Variants in IPMK observed in about 807,000 individuals in gnomAD.
IPMK encodes inositol 1,3,4,6-tetrakisphosphate 5-kinase.
Under a neutral mutation model 45.8 loss-of-function variants are expected in IPMK, and 17 were observed. The observed-to-expected ratio is 0.37, with a 90% CI of 0.25 to 0.56. The LOEUF (loss-of-function observed/expected upper bound fraction) is 0.56. Ranked by LOEUF, IPMK falls within the 20% of genes least tolerant of loss-of-function variation. The pLI, the probability that IPMK is intolerant of heterozygous loss-of-function variation, is 0.79. For synonymous variants in IPMK, 180 were observed against 184.3 expected, an observed-to-expected ratio of 0.98 and a Z score of 0.19; for missense variants, 399 against 498.0, an observed-to-expected ratio of 0.80 and a Z score of 1.89.
chr10:58,262,394 G>A (rs1311974670), intron 1 of IPMK, among the ~76,000 whole-genome samples: 1 of 152,082 alleles, frequency 6.6e-6, no homozygotes, highest in Non-Finnish European at 1.5e-5. Flanking sequence ...ACAGAAGAAG[G>A]GAAATACAAA....
At chr10:58,223,427 G>C (rs1838367589) in intron 3 of IPMK, among the ~76,000 whole-genome samples, 1 of 152,110 alleles carries the variant, frequency 6.6e-6, no homozygotes, top group South Asian at 2.1e-4. Context: ...CCTTTAAAGG[G>C]AAGGCAACAG....
intron 1 of IPMK, among the ~76,000 whole-genome samples, chr10:58,243,713 C>T (rs1157535251): frequency 2.6e-5 from 4 of 152,304 alleles, no homozygotes; most frequent in East Asian, 3.9e-4. Flanking sequence ...GATCTCGGCT[C>T]GCTACAACCT....
At chr10:58,196,720 C>T (rs202113550) in intron 5 of IPMK, 22 bp from the exon 6 acceptor site, 53 of 1,448,958 alleles carry the variant, frequency 3.7e-5, no homozygotes, top group East Asian at 6.9e-5. Flanking sequence ...AAAATATGAG[C>T]GTTATAATCA....
intron 1 of IPMK, among the ~76,000 whole-genome samples, chr10:58,244,016 C>T (rs933981567): frequency 8.6e-5 from 13 of 151,196 alleles, no homozygotes; most frequent in South Asian, 2.1e-4. Context: ...CGTCTCTGCC[C>T]GGCTGCCCCG....
chr10:58,232,925 C>T (rs1838547361), intron 2 of IPMK, among the ~76,000 whole-genome samples: 1 of 152,002 alleles, frequency 6.6e-6, no homozygotes, highest in East Asian at 1.9e-4. Flanking sequence ...AACTGATAGA[C>T]CACTAGCAAG....
Position 58,266,076 on chromosome 10 carries a change from G to A in IPMK, c.190+1346C>T, listed in dbSNP as rs78695225. Among the ~76,000 whole-genome samples the A allele has an allele frequency of 6.2e-3, 938 of 152,284 alleles. 8 individuals carry two copies. Among genetic ancestry groups the A allele is most frequent in the African/African-American group, 0.021 (882 of 41,552 alleles). ...TCTCATTACAAGACACTGGCACACAGGAGGAAATGTCTATGCTGAGCAACT... is the reference window on the plus strand; with the variant it reads ...TCTCATTACAAGACACTGGCACACAAGAGGAAATGTCTATGCTGAGCAACT... On this transcript the variant is annotated intron_variant, in intron 1 of 5. Transcript: ENST00000373935.
intron 3 of IPMK, among the ~76,000 whole-genome samples, chr10:58,223,302 A>G (rs1410361190): frequency 5.9e-5 from 9 of 152,214 alleles, no homozygotes; most frequent in Admixed American, 4.6e-4. Flanking sequence ...AAATTCCTTT[A>G]GCTAATTTTC....
intron 4 of IPMK, among the ~76,000 whole-genome samples, chr10:58,213,986 G>C (rs567625330): frequency 2.6e-5 from 4 of 152,194 alleles, no homozygotes; most frequent in Non-Finnish European, 5.9e-5. Context: ...TAGAAATAAC[G>C]AGTTTGGTTG....
intron 1 of IPMK, among the ~76,000 whole-genome samples, chr10:58,241,070 C>T (rs868737997): frequency 6.7e-6 from 1 of 149,202 alleles, no homozygotes; most frequent in Admixed American, 6.6e-5. Flanking sequence ...TATTCTCCAA[C>T]ACTGGGAGGG....
At chr10:58,263,916 C>CAGGGAAAGGCTG (rs1323712089) in intron 1 of IPMK, among the ~76,000 whole-genome samples, 2 of 152,078 alleles carry the variant, frequency 1.3e-5, no homozygotes, top group African/African-American at 4.8e-5. Context: ...TCATAAAGGA[C>CAGGGAAAGGCTG]AGGGAAAGGC....
At chr10:58,227,199 A>G in intron 2 of IPMK, 60 bp from the exon 3 acceptor site, 1 of 1,185,976 alleles carries the variant, frequency 8.4e-7, no homozygotes, top group Non-Finnish European at 1.2e-6. Flanking sequence ...TGCCCTGCAC[A>G]TTTCTCAAAT....
intron 4 of IPMK, among the ~76,000 whole-genome samples, chr10:58,209,659 T>G (rs1417244130): frequency 6.6e-6 from 1 of 152,074 alleles, no homozygotes; most frequent in African/African-American, 2.4e-5. Flanking sequence ...GGCAGGGGAG[T>G]GAGGTAGACT....
At chr10:58,258,828 A>G in intron 1 of IPMK, among the ~76,000 whole-genome samples, 1 of 152,316 alleles carries the variant, frequency 6.6e-6, no homozygotes, top group Non-Finnish European at 1.5e-5. Context: ...TTCCAAATAA[A>G]TAGAAAGATA....
At chr10:58,235,775 CGTTGTG>C (rs1838601921) in intron 2 of IPMK, among the ~76,000 whole-genome samples, 1 of 151,638 alleles carries the variant, frequency 6.6e-6, no homozygotes, top group Non-Finnish European at 1.5e-5. Flanking sequence ...CAAACCTGCA[CGTTGTG>C]CACATGTATC....
At chr10:58,211,812 G>A (rs113617681) in intron 4 of IPMK, among the ~76,000 whole-genome samples, 1 of 30,686 alleles carries the variant, frequency 3.3e-5, no homozygotes, top group Non-Finnish European at 6.4e-5. Context: ...ACTCGGAAGA[G>A]GCTGAGGCAG....
At chr10:58,199,408 A>ATCTAC in intron 4 of IPMK, 87 bp from the exon 5 acceptor site, 1 of 747,126 alleles carries the variant, frequency 1.3e-6, no homozygotes. Context: ...TAAAGATGAA[A>ATCTAC]TCTACTCAGG....
Position 58,193,881 on chromosome 10 carries a change from TA to T in IPMK, c.*2194del, listed in dbSNP as rs928644253. On this transcript the variant is annotated 3_prime_UTR_variant, in exon 6 of 6. Coordinates refer to ENST00000373935, the MANE Select transcript of IPMK (RefSeq NM_152230.5). ...TTAGATAAACAGATACTTATTCTGT[TA>T]TACCTAAGCCTACTTATAAAGCAAC... 2.6e-5 allele frequency: 4 copies of T among 151,946 alleles called. No individual in the cohort carries two copies. Among genetic ancestry groups the T allele is most frequent in the African/African-American group, 9.6e-5 (4 of 41,564 alleles). The allele number at this position is 151,946 out of a possible 1,614,324, so 9.4% of individuals were successfully genotyped here.
At chr10:58,266,201 CTA>C (rs1314946736) in intron 1 of IPMK, among the ~76,000 whole-genome samples, 2 of 131,844 alleles carry the variant, frequency 1.5e-5, no homozygotes, top group Admixed American at 7.0e-5. Context: ...GTGCACAAGG[CTA>C]TGAGAGAATA....
chr10:58,262,135 C>T (rs1321744322), intron 1 of IPMK, among the ~76,000 whole-genome samples: 1 of 152,084 alleles, frequency 6.6e-6, no homozygotes, highest in Non-Finnish European at 1.5e-5. Flanking sequence ...AGGAGAAATA[C>T]CTAATGTAAA....
Sources: allele counts gnomAD v4.1 joint callset (sites outside exome capture counted in the v4.1 genomes callset), GRCh38; gene constraint gnomAD v4.1.1; transcripts MANE v1.5; gene names NCBI Gene and HGNC (gene_info 2026-07-23, HGNC 2026-07-21).